LUC7L3: variants seen among roughly 807,000 people sequenced by gnomAD.
LUC7L3 encodes LUC7 like 3 pre-mRNA splicing factor, also known as luc7-like protein 3.
Under a neutral mutation model 66.8 loss-of-function variants are expected in LUC7L3, and 6 were observed. The observed-to-expected ratio is 0.09, with a 90% confidence interval of 0.05 to 0.18. The LOEUF (loss-of-function observed/expected upper bound fraction) is 0.18. Ranked by LOEUF, LUC7L3 falls within the 10% of genes least tolerant of loss-of-function variation. The pLI is 1.00. For missense variants in LUC7L3, 341 were observed against 531.1 expected (o/e 0.64, Z 3.52); for synonymous variants, 160 against 174.7 (o/e 0.92, Z 0.66).
chr17:50,740,371 A>AC (rs771525270), intron 3 of LUC7L3, 26 bp downstream of exon 3: 131 of 1,594,806 alleles, frequency 8.2e-5, no homozygotes, highest in Admixed American at 4.6e-4. Flanking sequence ...TGTCATTTCC[A>AC]CCCCCCCAGT....
At position 50,753,021 on chromosome 17, in the gene LUC7L3, G is replaced by T. The variant is rs1427565983; in HGVS notation, c.*2360G>T. 1 of 152,126 alleles carries T rather than the reference G, an allele frequency of 6.6e-6. No individual in the cohort carries two copies. Among genetic ancestry groups the T allele is most frequent in the Non-Finnish European group, 1.5e-5 (1 of 68,014 alleles). The allele number at this position is 152,126 out of a possible 1,614,324, so 9.4% of individuals were successfully genotyped here. Reference sequence around the variant, plus strand: ...GAAAAGCATTCAAGAGCTAGTTTTTGTTAAGTCCTGTATCAAGATTAACCC... The same window carrying T: ...GAAAAGCATTCAAGAGCTAGTTTTTTTTAAGTCCTGTATCAAGATTAACCC... On this transcript the variant is annotated 3_prime_UTR_variant, in exon 10 of 10. Transcript: ENST00000505658.
intron 1 of LUC7L3, among the ~76,000 whole-genome samples, chr17:50,724,854 C>T (rs550904604): frequency 8.6e-5 from 13 of 150,678 alleles, no homozygotes; most frequent in East Asian, 2.0e-4. Context: ...CTCCACCTCC[C>T]GGGTTCAAGC....
rs986509130 is a variant in LUC7L3, at chr17:50,719,675, C to T, written c.-58C>T. 4.5e-5 allele frequency: 64 copies of T among 1,422,280 alleles called. No homozygotes were observed. Among genetic ancestry groups the T allele is most frequent in the Non-Finnish European group, 5.9e-5 (60 of 1,019,338 alleles). 88.1% of individuals were successfully genotyped at this position (1,422,280 alleles called of 1,614,324 possible). A position where few individuals can be genotyped will look rare whatever the true frequency, so the allele number is the denominator to read the frequency against. The stretch of plus-strand genomic sequence containing the variant: ...CCGAGGAGATTGGCGACGGTGTCGC[C>T]CGTGTTTTCGTTGGCGGGTGCCTGG... On this transcript the variant is annotated 5_prime_UTR_variant, in exon 1 of 10. Transcript: ENST00000505658.
chr17:50,728,960 A>G (rs920664315), intron 1 of LUC7L3, among the ~76,000 whole-genome samples: 1 of 152,118 alleles, frequency 6.6e-6, no homozygotes, highest in African/African-American at 2.4e-5. Flanking sequence ...GTCCTGTTTC[A>G]GAATACAGTA....
rs1971094591 is a variant in LUC7L3 at position 50,755,619 on chromosome 17, T to G, written c.*4958T>G. The G allele has an allele frequency of 6.6e-6, 1 of 152,218 alleles. No individual in the cohort carries two copies. The highest frequency in any genetic ancestry group is 1.5e-5 in the Non-Finnish European group (1 of 68,038). 9.4% of individuals were successfully genotyped at this position (152,218 alleles called of 1,614,324 possible). On this transcript the variant is annotated 3_prime_UTR_variant, in exon 10 of 10. Coordinates refer to ENST00000505658, the MANE Select transcript of LUC7L3 (RefSeq NM_016424.5). The stretch of plus-strand genomic sequence containing the variant: ...CCAAATAGGTCATTTGTCAACAGAT[T>G]TAAGAATGTTTAGAAACAACAACTT...
intron 5 of LUC7L3, among the ~76,000 whole-genome samples, chr17:50,742,074 T>TTGTGTGTG (rs142033434): frequency 1.0e-3 from 154 of 150,768 alleles, no homozygotes; most frequent in African/African-American, 1.5e-3. Context: ...AGACCTCGTC[T>TTGTGTGTG]TGTGTGTGTG....
intron 1 of LUC7L3, chr17:50,724,220 A>T (rs1271352474): frequency 1.1e-5 from 2 of 187,780 alleles, no homozygotes; most frequent in Non-Finnish European, 2.3e-5. Flanking sequence ...AAATACAAGG[A>T]CTTTAAAAAA....
intron 1 of LUC7L3, among the ~76,000 whole-genome samples, chr17:50,729,896 T>TTATATATATATA (rs1156777167): frequency 3.1e-5 from 2 of 65,570 alleles, no homozygotes; most frequent in African/African-American, 6.3e-5. Context: ...TATAAATACA[T>TTATATATATATA]TATATATATA....
chr17:50,740,359 CT>C lies in LUC7L3; in HGVS notation c.206+16del, dbSNP rs1220955780. ...TCTACGAAAACAGTAAGTTATTTTGCTTGTCATTTCCACCCCCCCAGTTATT... is the reference window on the plus strand; with the variant it reads ...TCTACGAAAACAGTAAGTTATTTTGCTGTCATTTCCACCCCCCCAGTTATT... On this transcript the variant is annotated intron_variant, in intron 3 of 9. Coordinates refer to ENST00000505658, the MANE Select transcript of LUC7L3 (RefSeq NM_016424.5). 6.2e-7 allele frequency: 1 copy of C among 1,604,874 alleles called. No homozygotes were observed. Among genetic ancestry groups the C allele is most frequent in the African/African-American group, 1.3e-5 (1 of 74,304 alleles).
chr17:50,744,591 CT>C (rs1300013189), intron 6 of LUC7L3, 60 bp from the exon 7 acceptor site: 6 of 1,482,662 alleles, frequency 4.0e-6, no homozygotes, highest in Non-Finnish European at 5.5e-6. Context: ...ATGTTGAGTA[CT>C]TTCCTGGGAT....
chr17:50,728,340 C>T (rs886281741), intron 1 of LUC7L3, among the ~76,000 whole-genome samples: 3 of 151,856 alleles, frequency 2.0e-5, no homozygotes, highest in African/African-American at 7.3e-5. Flanking sequence ...AATGTGTGGT[C>T]GTGGTATAAC....
intron 9 of LUC7L3, among the ~76,000 whole-genome samples, chr17:50,746,906 A>G (rs1970702753): frequency 6.6e-6 from 1 of 152,176 alleles, no homozygotes; most frequent in Non-Finnish European, 1.5e-5. Flanking sequence ...GTTTTCTTAG[A>G]TGTTAAAAAC....
At chr17:50,725,247 T>A (rs1325158665) in intron 1 of LUC7L3, among the ~76,000 whole-genome samples, 1 of 152,022 alleles carries the variant, frequency 6.6e-6, no homozygotes, top group Non-Finnish European at 1.5e-5. Flanking sequence ...CTGTCTCTAC[T>A]AAAAATACAA....
At chr17:50,724,040 C>T in intron 1 of LUC7L3, 1 of 442,206 alleles carries the variant, frequency 2.3e-6, no homozygotes, top group Non-Finnish European at 4.6e-6. Flanking sequence ...GCTTTTCTTC[C>T]CAAAACATAC....
chr17:50,724,733 C>T (rs1183922037), intron 1 of LUC7L3, among the ~76,000 whole-genome samples: 2 of 144,498 alleles, frequency 1.4e-5, no homozygotes, highest in Non-Finnish European at 3.0e-5. Context: ...TAATACAGTT[C>T]TTCGTTTTAT....
chr17:50,734,020 T>A (rs1288819152), intron 1 of LUC7L3, among the ~76,000 whole-genome samples: 1 of 152,214 alleles, frequency 6.6e-6, no homozygotes, highest in East Asian at 1.9e-4. Flanking sequence ...AATGGATGTT[T>A]TAAGAATTAG....
In LUC7L3 at chr17:50,755,771, T is replaced by C. The variant is rs1247357591; in HGVS notation, c.*5110T>C. Reference sequence around the variant, plus strand: ...ACCAGGGGATGGATTTAAGCATTTGTGTGTAATAGGAAGAAAAGAAGAAAA... The same window carrying C: ...ACCAGGGGATGGATTTAAGCATTTGCGTGTAATAGGAAGAAAAGAAGAAAA... On this transcript the variant is annotated 3_prime_UTR_variant, in exon 10 of 10. Coordinates refer to ENST00000505658, the MANE Select transcript of LUC7L3 (RefSeq NM_016424.5). 6.6e-6 allele frequency: 1 copy of C among 152,132 alleles called. No homozygotes were observed. The highest frequency in any genetic ancestry group is 1.5e-5 in the Non-Finnish European group (1 of 68,024). 9.4% of individuals were successfully genotyped at this position (152,132 alleles called of 1,614,324 possible).
intron 2 of LUC7L3, among the ~76,000 whole-genome samples, chr17:50,737,748 G>A (rs1970068077): frequency 6.6e-6 from 1 of 152,098 alleles, no homozygotes; most frequent in Admixed American, 6.5e-5. Flanking sequence ...AGGTGGTCCT[G>A]TGCATCTGTT....
At position 50,719,808 on chromosome 17, in the gene LUC7L3, A is replaced by G; in HGVS notation, c.76A>G (p.Asn26Asp). 1 of 1,611,712 alleles carries G rather than the reference A, an allele frequency of 6.2e-7. No individual in the cohort carries two copies. Among genetic ancestry groups the G allele is most frequent in the Non-Finnish European group, 8.5e-7 (1 of 1,179,126 alleles). The change falls in exon 1 of 10, where the codon AAC (asparagine) becomes GAC (aspartate). Residue 26 changes from asparagine to aspartate, a missense_variant. Physicochemically the swap from Asn to Asp is conservative, Grantham distance 23. This residue lies in a region of LUC7L3 where 9 missense variants were observed against 37.9 expected (regional missense o/e 0.24). Coordinates refer to ENST00000505658, the MANE Select transcript of LUC7L3 (RefSeq NM_016424.5). ...RNLAPDEKRSNVRWDHESVCK... is the reference protein window; with the variant it reads ...RNLAPDEKRSDVRWDHESVCK... ...CCTAGCCCCGGACGAGAAGCGCAGC[A>G]ACGTGCGGTGGGACCACGAGAGCGT...
Sources: allele counts gnomAD v4.1 joint callset (sites outside exome capture counted in the v4.1 genomes callset), GRCh38; gene constraint gnomAD v4.1.1; regional missense constraint gnomAD v4.1.1; transcripts MANE v1.5; gene names NCBI Gene and HGNC (gene_info 2026-07-23, HGNC 2026-07-21).